Variants in MAP2 observed in about 807,000 individuals in gnomAD.
MAP2 encodes the protein microtubule associated protein 2.
In MAP2, 14 loss-of-function variants were observed where a neutral mutation model predicts 137.6. The observed-to-expected ratio is 0.10, with a 90% CI of 0.07 to 0.16. The LOEUF (loss-of-function observed/expected upper bound fraction) is 0.16. MAP2 is among the 10% of genes least tolerant of loss of function. MAP2 has a pLI of 1.00. For synonymous variants in MAP2, 786 were observed against 782.3 expected (o/e 1.00, Z -0.08); for missense variants, 2,088 against 2,191.5 (o/e 0.95, Z 0.94).
chr2:209,555,572 G>A (rs1390494554), intron 2 of MAP2, among the ~76,000 whole-genome samples: 1 of 151,944 alleles, frequency 6.6e-6, no homozygotes, highest in Non-Finnish European at 1.5e-5. Context: ...GTAATAAAGG[G>A]GCTTATCTAT....
At chr2:209,445,319 T>G (rs1350532846) in intron 1 of MAP2, among the ~76,000 whole-genome samples, 3 of 151,852 alleles carry the variant, frequency 2.0e-5, no homozygotes, top group African/African-American at 7.2e-5. Context: ...ATATGCACAA[T>G]GTCATTCTCT....
At chr2:209,578,437 CAT>C (rs1368964258) in intron 2 of MAP2, among the ~76,000 whole-genome samples, 3 of 150,002 alleles carry the variant, frequency 2.0e-5, no homozygotes, top group African/African-American at 7.4e-5. Context: ...AAAAAAGAAA[CAT>C]ATCATCTGTC....
intron 5 of MAP2, among the ~76,000 whole-genome samples, chr2:209,674,696 A>G (rs2050475559): frequency 6.6e-6 from 1 of 151,832 alleles, no homozygotes; most frequent in African/African-American, 2.4e-5. Context: ...ATCAGTGAAG[A>G]AATTACATAT....
intron 2 of MAP2, among the ~76,000 whole-genome samples, chr2:209,527,591 C>T (rs2064269532): frequency 6.6e-6 from 1 of 152,122 alleles, no homozygotes; most frequent in African/African-American, 2.4e-5. Context: ...GGAACCATCT[C>T]TTATGGATCT....
At chr2:209,641,076 G>A (rs1472270695) in intron 4 of MAP2, among the ~76,000 whole-genome samples, 1 of 151,894 alleles carries the variant, frequency 6.6e-6, no homozygotes, top group Non-Finnish European at 1.5e-5. Context: ...GTTATTTTTA[G>A]ATTGTTGTTA....
rs780188011 is a variant in MAP2 at position 209,695,140 on chromosome 2, C to T, written c.2970C>T (p.Phe990=). 33 of 1,613,950 alleles carry T rather than the reference C, an allele frequency of 2.0e-5. No homozygotes were observed. The highest frequency in any genetic ancestry group is 5.5e-5 in the South Asian group (5 of 91,076). Residue 990 remains phenylalanine, a synonymous_variant, in exon 8 of 16, where the codon TTC becomes TTT. Transcript: ENST00000682079. ...AGGCTGGTGATGAAATAGAAACATTCGGATTAGGAGTAACCTATGAGCAAG... is the reference window on the plus strand; with the variant it reads ...AGGCTGGTGATGAAATAGAAACATTTGGATTAGGAGTAACCTATGAGCAAG... ...TEEAGDEIET[F]GLGVTYEQAL...
At chr2:209,616,004 C>T (rs1165914004) in intron 3 of MAP2, among the ~76,000 whole-genome samples, 1 of 152,184 alleles carries the variant, frequency 6.6e-6, no homozygotes, top group African/African-American at 2.4e-5. Flanking sequence ...GGTGAGGGCA[C>T]CATTTCTCCC....
At position 209,516,573 on chromosome 2, in the gene MAP2, A is replaced by C. The variant is rs1181243222; in HGVS notation, c.-172+8932A>C. On this transcript the variant is annotated intron_variant, in intron 2 of 15. Transcript: ENST00000682079. ...TAAGGAACTTACCGAAAATAAAGGTATAGGAATTTCTTCCTTTAAAATTTA... is the reference window on the plus strand; with the variant it reads ...TAAGGAACTTACCGAAAATAAAGGTCTAGGAATTTCTTCCTTTAAAATTTA... Among the ~76,000 whole-genome samples, 2 of 152,328 alleles carry C rather than the reference A, an allele frequency of 1.3e-5. 1 individual carries two copies. Among genetic ancestry groups the C allele is most frequent in the South Asian group, 4.1e-4 (2 of 4,828 alleles).
intron 1 of MAP2, among the ~76,000 whole-genome samples, chr2:209,452,753 G>A (rs545099376): frequency 1.4e-4 from 22 of 152,202 alleles, no homozygotes; most frequent in Admixed American, 6.5e-4. Context: ...CCAGCCAACG[G>A]TTCTTTATGC....
At chr2:209,496,739 C>T (rs751724630) in intron 1 of MAP2, among the ~76,000 whole-genome samples, 148 of 152,272 alleles carry the variant, frequency 9.7e-4, no homozygotes, top group Non-Finnish European at 1.6e-3. Flanking sequence ...TTCTTACACT[C>T]TCAAAATTCT....
In MAP2 at chr2:209,695,786, G is replaced by C; in HGVS notation, c.3616G>C (p.Glu1206Gln). 1 of 1,613,930 alleles carries C rather than the reference G, an allele frequency of 6.2e-7. No homozygotes were observed. The highest frequency in any genetic ancestry group is 1.7e-5 in the Admixed American group (1 of 60,000). The stretch of plus-strand genomic sequence containing the variant: ...TCAGGGGCCAAAAGAAGAAAGCAAA[G>C]AGACCCCAGATATATCCATCACGCC... ...FIQGPKEESK[E>Q]TPDISITPSD... The change falls in exon 8 of 16, where the codon GAG becomes CAG. Residue 1206 changes from glutamate (E) to glutamine (Q), a missense_variant. By Grantham distance (29) the Glu-to-Gln change is conservative (BLOSUM62 2). Transcript: ENST00000682079.
intron 4 of MAP2, among the ~76,000 whole-genome samples, chr2:209,631,045 A>C (rs927340993): frequency 8.4e-5 from 12 of 142,634 alleles, no homozygotes; most frequent in East Asian, 6.8e-4. Context: ...AGAGAGAGAG[A>C]GAGCGAGAAT....
In MAP2 at chr2:209,488,599, G is replaced by C. The variant is rs143210460; in HGVS notation, c.-221-18993G>C. On this transcript the variant is annotated intron_variant, in intron 1 of 15. Transcript: ENST00000682079. The stretch of plus-strand genomic sequence containing the variant: ...CAACCTGGGATGCTCGAGCTTGGTG[G>C]GGGGAGGGGTGTCTGCCATTACTGA... Among the ~76,000 whole-genome samples, 80 of 152,210 alleles carry C rather than the reference G, an allele frequency of 5.3e-4. No homozygotes were observed. In the East Asian group the frequency reaches 0.014, roughly 27 times the overall value.
intron 1 of MAP2, among the ~76,000 whole-genome samples, 179 bp downstream of exon 1, chr2:209,424,455 C>A (rs1342284813): frequency 6.6e-6 from 1 of 152,184 alleles, no homozygotes; most frequent in Non-Finnish European, 1.5e-5. Flanking sequence ...TCGGGCCTGT[C>A]CTCTCCAGGT....
chr2:209,606,552 G>A (rs2153474648), intron 3 of MAP2, among the ~76,000 whole-genome samples: 1 of 151,772 alleles, frequency 6.6e-6, no homozygotes, highest in African/African-American at 2.4e-5. Context: ...TGGAATTGGG[G>A]TTAAAAAATA....
At chr2:209,445,811 T>C (rs575021899) in intron 1 of MAP2, among the ~76,000 whole-genome samples, 35 of 151,690 alleles carry the variant, frequency 2.3e-4, no homozygotes, top group Non-Finnish European at 4.4e-4. Context: ...TTTAATAATA[T>C]GTGGACTCAA....
chr2:209,660,480 G>A (rs2042948268), intron 5 of MAP2, among the ~76,000 whole-genome samples: 1 of 129,208 alleles, frequency 7.7e-6, no homozygotes, highest in African/African-American at 2.9e-5. Flanking sequence ...TGCAAGCTCC[G>A]CCTCCCGGGT....
At position 209,444,916 on chromosome 2, in the gene MAP2, AG is replaced by A. The variant is rs554803192; in HGVS notation, c.-222+20641del. On this transcript the variant is annotated intron_variant, in intron 1 of 15. Transcript: ENST00000682079. ...AATGTTTGATTGTCACATATAAAAA[AG>A]CTTAAGTCAAGCTTTTTTGTGATGA... 1.1e-4 allele frequency among the ~76,000 whole-genome samples: 16 copies of A among 151,614 alleles called. No homozygotes were observed. In the East Asian group the frequency reaches 3.1e-3, roughly 29 times the overall value.
At chr2:209,449,151 A>G (rs1699772610) in intron 1 of MAP2, among the ~76,000 whole-genome samples, 1 of 152,214 alleles carries the variant, frequency 6.6e-6, no homozygotes, top group South Asian at 2.1e-4. Flanking sequence ...TAAAGAGGCA[A>G]AGGAAGACTC....
Sources: allele counts gnomAD v4.1 joint callset (sites outside exome capture counted in the v4.1 genomes callset), GRCh38; gene constraint gnomAD v4.1.1; transcripts MANE v1.5; gene names NCBI Gene and HGNC (gene_info 2026-07-23, HGNC 2026-07-21).